The following THRB variants were observed in gnomAD, a reference collection of about 807,000 sequenced individuals.
The protein encoded by THRB is thyroid hormone receptor beta.
A neutral mutation model predicts 47.8 loss-of-function variants in THRB; 12 were observed. The observed-to-expected ratio is 0.25, with a 90% CI of 0.16 to 0.41. The LOEUF (loss-of-function observed/expected upper bound fraction) is 0.41. Among genes scored for constraint, THRB ranks in the 10% least tolerant of loss-of-function variants. The pLI, the probability that THRB is intolerant of heterozygous loss-of-function variation, is 1.00. For missense variants in THRB, 348 were observed against 589.2 expected, an observed-to-expected ratio of 0.59 and a Z score of 4.24; for synonymous variants, 218 against 212.2, an observed-to-expected ratio of 1.03 and a Z score of -0.24.
chr3:24,422,329 G>T (rs1560148774), intron 1 of THRB, among the ~76,000 whole-genome samples: 1 of 151,854 alleles, frequency 6.6e-6, no homozygotes, highest in South Asian at 2.1e-4. Flanking sequence ...TGGTCATCTG[G>T]ACTTGGGACA....
chr3:24,326,037 C>A (rs1440647073), intron 2 of THRB, among the ~76,000 whole-genome samples: 1 of 152,034 alleles, frequency 6.6e-6, no homozygotes, highest in African/African-American at 2.4e-5. Flanking sequence ...ATTCTAATGC[C>A]CTCAGTCAAG....
chr3:24,143,882 G>A (rs2035769316), intron 7 of THRB, 176 bp from the exon 8 acceptor site: 1 of 664,130 alleles, frequency 1.5e-6, no homozygotes, highest in Non-Finnish European at 2.7e-6. Context: ...CCATTGACTA[G>A]TCTTGTCCAA....
At chr3:24,444,587 T>C (rs955643488) in intron 1 of THRB, among the ~76,000 whole-genome samples, 34 of 152,236 alleles carry the variant, frequency 2.2e-4, no homozygotes, top group African/African-American at 8.2e-4. Context: ...CACATAATTC[T>C]ATACAAAGTA....
intron 5 of THRB, among the ~76,000 whole-genome samples, chr3:24,176,754 A>C (rs1391785755): frequency 6.6e-6 from 1 of 152,092 alleles, no homozygotes; most frequent in Non-Finnish European, 1.5e-5. Context: ...GCAAATCTAC[A>C]GGGACTGAAA....
intron 3 of THRB, among the ~76,000 whole-genome samples, chr3:24,241,393 A>G (rs1008682280): frequency 1.3e-5 from 2 of 152,142 alleles, no homozygotes; most frequent in Non-Finnish European, 2.9e-5. Context: ...TTGAGCGTGG[A>G]GACAGGTCAC....
At chr3:24,379,940 C>T (rs2065574062) in intron 1 of THRB, among the ~76,000 whole-genome samples, 1 of 151,666 alleles carries the variant, frequency 6.6e-6, no homozygotes, top group Non-Finnish European at 1.5e-5. Context: ...CCCTCCTCTC[C>T]TCATGTAGTA....
At position 24,358,367 on chromosome 3, in the gene THRB, A is replaced by G. The variant is rs949970422; in HGVS notation, c.-260-20996T>C. On this transcript the variant is annotated intron_variant, in intron 1 of 10. Transcript: ENST00000646209. ...TGCTTAGAAAGGCCTTAGGCACTCC[A>G]GAGTTATTTTTAAAAACTTGTCTGG... is the stretch of plus-strand genomic sequence containing the variant. Among the ~76,000 whole-genome samples the G allele has an allele frequency of 3.3e-5, 5 of 151,972 alleles. No homozygotes were observed. In the South Asian group the frequency reaches 1.0e-3, roughly 32 times the overall value.
chr3:24,248,917 T>C (rs2050378999), intron 3 of THRB, among the ~76,000 whole-genome samples: 1 of 152,198 alleles, frequency 6.6e-6, no homozygotes, highest in Non-Finnish European at 1.5e-5. Flanking sequence ...TCCTTTTTGC[T>C]CTTTTAGTGC....
intron 3 of THRB, among the ~76,000 whole-genome samples, chr3:24,255,846 A>G (rs2051217328): frequency 6.6e-6 from 1 of 152,220 alleles, no homozygotes; most frequent in Non-Finnish European, 1.5e-5. Context: ...AAGGGTCTTA[A>G]GTGAAGGAAG....
At chr3:24,376,941 CTT>C (rs143591163) in intron 1 of THRB, among the ~76,000 whole-genome samples, 10,669 of 151,844 alleles carry the variant, frequency 0.07, 515 homozygotes, top group Non-Finnish European at 0.11. Flanking sequence ...CTGTCTCATA[CTT>C]TTTTTTCTTT....
chr3:24,172,214 G>A (rs1042968015), intron 5 of THRB, among the ~76,000 whole-genome samples: 3 of 152,202 alleles, frequency 2.0e-5, no homozygotes, highest in Middle Eastern at 3.4e-3. Flanking sequence ...CTTAAGGCAC[G>A]GATACATAAC....
intron 2 of THRB, among the ~76,000 whole-genome samples, chr3:24,311,933 A>C (rs2057787236): frequency 1.3e-5 from 2 of 152,216 alleles, no homozygotes; most frequent in Non-Finnish European, 2.9e-5. Context: ...TTGTACGCAC[A>C]GGCCACCAAT....
chr3:24,146,402 G>T (rs1035716145), intron 7 of THRB, among the ~76,000 whole-genome samples: 5 of 152,142 alleles, frequency 3.3e-5, no homozygotes, highest in African/African-American at 4.8e-5. Flanking sequence ...AATGTGATAG[G>T]GATAATTTAA....
intron 4 of THRB, among the ~76,000 whole-genome samples, chr3:24,204,245 G>A (rs1406200929): frequency 1.3e-5 from 2 of 152,346 alleles, no homozygotes; most frequent in East Asian, 1.9e-4. Flanking sequence ...TTACTGCGAG[G>A]CACCCCCCAG....
chr3:24,464,400 C>T (rs914241043), intron 1 of THRB, among the ~76,000 whole-genome samples: 27 of 152,190 alleles, frequency 1.8e-4, no homozygotes, highest in African/African-American at 6.3e-4. Flanking sequence ...AAGATCTTGA[C>T]TTAATATTTT....
chr3:24,307,704 A>C (rs998260877), intron 2 of THRB, among the ~76,000 whole-genome samples: 13 of 152,242 alleles, frequency 8.5e-5, no homozygotes, highest in African/African-American at 3.1e-4. Context: ...GCTGGAAAGA[A>C]TATGAATAGT....
At chr3:24,147,517 C>A (rs577595751) in intron 6 of THRB, among the ~76,000 whole-genome samples, 5 of 152,186 alleles carry the variant, frequency 3.3e-5, no homozygotes, top group African/African-American at 1.2e-4. Flanking sequence ...TGTAGACATA[C>A]ACCTACAGGT....
At chr3:24,446,881 G>T (rs746731811) in intron 1 of THRB, among the ~76,000 whole-genome samples, 15 of 152,202 alleles carry the variant, frequency 9.9e-5, no homozygotes, top group Admixed American at 1.3e-4. Context: ...TTGAGACAGG[G>T]AGCTTATCCT....
chr3:24,349,120 T>C (rs1347457501), intron 1 of THRB, among the ~76,000 whole-genome samples: 1 of 152,134 alleles, frequency 6.6e-6, no homozygotes, highest in Non-Finnish European at 1.5e-5. Flanking sequence ...TATATTGGCA[T>C]AAAAATATCA....
Sources: gnomAD v4.1 joint callset for allele counts (sites outside exome capture counted in the v4.1 genomes callset) on GRCh38, gnomAD v4.1.1 for gene constraint, MANE v1.5 for transcripts, NCBI Gene and HGNC (gene_info 2026-07-23, HGNC 2026-07-21) for gene names.